The following ADGRA1 variants were observed in gnomAD, a reference collection of about 807,000 sequenced individuals.
ADGRA1 encodes the protein adhesion G protein-coupled receptor A1, also known as G-protein coupled receptor 123.
Under a neutral mutation model 21.3 loss-of-function variants are expected in ADGRA1, and 12 were observed. The observed-to-expected ratio is 0.56, with a 90% CI of 0.36 to 0.91. ADGRA1 has a LOEUF of 0.91. Among genes scored for constraint, ADGRA1 ranks in the 40% least tolerant of loss-of-function variants. The probability of loss-of-function intolerance (pLI) is 0.01; values close to 1 mark genes in which losing one functional copy is unlikely to be tolerated. For synonymous variants in ADGRA1, 385 were observed against 368.8 expected (o/e 1.04, Z -0.50); for missense variants, 790 against 805.6 (o/e 0.98, Z 0.23).
rs1388870113 is a variant in ADGRA1 at position 133,131,305 on chromosome 10, C to G, written c.*1794C>G. 1 of 152,348 alleles carries G rather than the reference C, an allele frequency of 6.6e-6. No homozygotes were observed. The highest frequency in any genetic ancestry group is 1.5e-5 in the Non-Finnish European group (1 of 68,116). The allele number at this position is 152,348 out of a possible 1,614,324, so 9.4% of individuals were successfully genotyped here. ...GGGCCGTCGGAGGACCACCAGGTGG[C>G]TCTGCCTCTGCCTCACCTTCTCACC... On this transcript the variant is annotated 3_prime_UTR_variant, in exon 7 of 7. Coordinates refer to ENST00000392607, the MANE Select transcript of ADGRA1 (RefSeq NM_001083909.3).
At chr10:133,116,509 G>A (rs1207200979) in intron 5 of ADGRA1, among the ~76,000 whole-genome samples, 1 of 150,324 alleles carries the variant, frequency 6.7e-6, no homozygotes, top group Non-Finnish European at 1.5e-5. Context: ...CCTGGGCCCT[G>A]CCCAAACCCT....
At chr10:133,119,024 C>T (rs759489522) in intron 5 of ADGRA1, among the ~76,000 whole-genome samples, 48 of 143,738 alleles carry the variant, frequency 3.3e-4, no homozygotes, top group Non-Finnish European at 7.5e-5. Flanking sequence ...GAGGCACTTA[C>T]ATGCACTCAC....
At chr10:133,106,924 C>T (rs1243892824) in intron 5 of ADGRA1, among the ~76,000 whole-genome samples, 6 of 152,232 alleles carry the variant, frequency 3.9e-5, no homozygotes, top group African/African-American at 4.8e-5. Context: ...CTGAAGGCCA[C>T]GTTAAGAAGC....
At position 133,095,983 on chromosome 10, in the gene ADGRA1, G is replaced by A. The variant is rs569264926; in HGVS notation, c.4-991G>A. On this transcript the variant is annotated intron_variant, in intron 2 of 6. Transcript: ENST00000392607. Reference sequence around the variant, plus strand: ...CCAGGGGGCTGGGGAGGGGCCAGGCGGCTGCAGCCCTCACCCCTGCTGGCA... The same window carrying A: ...CCAGGGGGCTGGGGAGGGGCCAGGCAGCTGCAGCCCTCACCCCTGCTGGCA... Among the ~76,000 whole-genome samples, 773 of 149,584 alleles carry A rather than the reference G, an allele frequency of 5.2e-3. 8 individuals are homozygous for A. The highest frequency in any genetic ancestry group is 7.2e-3 in the Non-Finnish European group (485 of 67,462).
At chr10:133,123,568 G>A (rs557592097) in intron 5 of ADGRA1, among the ~76,000 whole-genome samples, 18 of 152,316 alleles carry the variant, frequency 1.2e-4, no homozygotes, top group African/African-American at 3.4e-4. Context: ...AGCTGGGGCC[G>A]CACCGCCTTC....
At chr10:133,101,877 C>T (rs1354726467) in intron 4 of ADGRA1, among the ~76,000 whole-genome samples, 3 of 152,222 alleles carry the variant, frequency 2.0e-5, no homozygotes, top group Non-Finnish European at 2.9e-5. Flanking sequence ...ATCTTTCCAG[C>T]CCACCCCACA....
At chr10:133,124,977 G>C (rs769946523) in intron 5 of ADGRA1, among the ~76,000 whole-genome samples, 1 of 152,122 alleles carries the variant, frequency 6.6e-6, no homozygotes, top group Non-Finnish European at 1.5e-5. Flanking sequence ...CCGTGGGTCC[G>C]TCCTGCACCA....
At chr10:133,120,921 G>A (rs1852241865) in intron 5 of ADGRA1, among the ~76,000 whole-genome samples, 1 of 152,218 alleles carries the variant, frequency 6.6e-6, no homozygotes, top group Non-Finnish European at 1.5e-5. Context: ...TAAAGCAAGA[G>A]ATGTCCAACT....
chr10:133,129,559 G>T lies in ADGRA1; in HGVS notation c.*48G>T. 1 of 1,488,036 alleles carries T rather than the reference G, an allele frequency of 6.7e-7. No individual in the cohort carries two copies. Among genetic ancestry groups the T allele is most frequent in the South Asian group, 1.3e-5 (1 of 77,094 alleles). The allele number at this position is 1,488,036 out of a possible 1,614,324, so 92.2% of individuals were successfully genotyped here. On this transcript the variant is annotated 3_prime_UTR_variant, in exon 7 of 7. Coordinates refer to ENST00000392607, the MANE Select transcript of ADGRA1 (RefSeq NM_001083909.3). ...TCCTGGAGGAGCTTCAGAGCAGAGT[G>T]GGGGGCCCATCTGCCACATGAGGTC...
At chr10:133,095,666 C>A in intron 2 of ADGRA1, 2 of 1,596,314 alleles carry the variant, frequency 1.3e-6, no homozygotes, top group South Asian at 2.2e-5. Flanking sequence ...CCTCTGTCCA[C>A]GGTGGACACT....
At chr10:133,093,383 C>G in intron 2 of ADGRA1, 23 of 1,196,190 alleles carry the variant, frequency 1.9e-5, no homozygotes, top group Non-Finnish European at 2.6e-5. Context: ...AAGAGGAGAC[C>G]TCCAATTAAA....
chr10:133,099,341 G>T (rs775427475), intron 4 of ADGRA1, among the ~76,000 whole-genome samples: 3 of 152,140 alleles, frequency 2.0e-5, no homozygotes. Flanking sequence ...CACACACTCC[G>T]GTCCAGGGAG....
At chr10:133,100,582 G>C (rs1851774157) in intron 4 of ADGRA1, among the ~76,000 whole-genome samples, 1 of 152,230 alleles carries the variant, frequency 6.6e-6, no homozygotes, top group South Asian at 2.1e-4. Context: ...GAAGGTTCCA[G>C]AGGGTTGCAA....
At chr10:133,094,534 A>G (rs1049763102) in intron 2 of ADGRA1, among the ~76,000 whole-genome samples, 1 of 152,122 alleles carries the variant, frequency 6.6e-6, no homozygotes, top group Non-Finnish European at 1.5e-5. Context: ...CCGTGAGAGG[A>G]CGCGTGAGGG....
chr10:133,121,647 G>T (rs1233644499), intron 5 of ADGRA1, among the ~76,000 whole-genome samples: 1 of 150,154 alleles, frequency 6.7e-6, no homozygotes, highest in Non-Finnish European at 1.5e-5. Context: ...GTGTGCGTGT[G>T]CATGTGTGTG....
intron 3 of ADGRA1, among the ~76,000 whole-genome samples, chr10:133,097,792 C>T (rs958941663): frequency 5.3e-5 from 8 of 152,214 alleles, no homozygotes; most frequent in African/African-American, 9.6e-5. Flanking sequence ...GCACCCATGA[C>T]GCTGTGTCTG....
At position 133,105,705 on chromosome 10, in the gene ADGRA1, C is replaced by T. The variant is rs186080757; in HGVS notation, c.401+2863C>T. Among the ~76,000 whole-genome samples, 530 of 152,290 alleles carry T rather than the reference C, an allele frequency of 3.5e-3. 3 individuals are homozygous for T. Among genetic ancestry groups the T allele is most frequent in the Non-Finnish European group, 5.5e-3 (375 of 68,002 alleles). On this transcript the variant is annotated intron_variant, in intron 5 of 6. Transcript: ENST00000392607. ...AAGACAGCCTGGTCAGCAGAGGGGG[C>T]GGACACCCCCCAAGACCCCCAACTC...
chr10:133,108,642 A>T (rs537197709), intron 5 of ADGRA1, among the ~76,000 whole-genome samples: 109 of 151,896 alleles, frequency 7.2e-4, no homozygotes, highest in African/African-American at 2.5e-3. Flanking sequence ...TAGACACTAG[A>T]CTCTGTTGCA....
At chr10:133,103,484 G>C (rs749234788) in intron 5 of ADGRA1, among the ~76,000 whole-genome samples, 1 of 152,184 alleles carries the variant, frequency 6.6e-6, no homozygotes, top group East Asian at 1.9e-4. Context: ...GCCCTCCCCC[G>C]CCGCCCCGGC....
Sources: gnomAD v4.1 joint callset for allele counts (sites outside exome capture counted in the v4.1 genomes callset) on GRCh38, gnomAD v4.1.1 for gene constraint, MANE v1.5 for transcripts, NCBI Gene and HGNC (gene_info 2026-07-23, HGNC 2026-07-21) for gene names.